Variants in CAMTA1 observed in about 807,000 individuals in gnomAD.
CAMTA1 encodes calmodulin-binding transcription activator 1.
CAMTA1 carries 27 observed loss-of-function variants against 170.9 expected under a neutral mutation model. The ratio of observed to expected loss-of-function variants is 0.16; its 90% CI spans 0.12 to 0.22. CAMTA1 has a LOEUF of 0.22. Ranked by LOEUF, CAMTA1 falls within the 10% of genes least tolerant of loss-of-function variation. The pLI is 1.00. For missense variants in CAMTA1, 1,619 were observed against 2,217.2 expected (o/e 0.73, Z 5.42); for synonymous variants, 833 against 891.5 (o/e 0.93, Z 1.17).
At chr1:6,895,382 A>C (rs1240448909) in intron 3 of CAMTA1, among the ~76,000 whole-genome samples, 2 of 152,128 alleles carry the variant, frequency 1.3e-5, no homozygotes, top group Non-Finnish European at 2.9e-5. Flanking sequence ...GTACCACCCT[A>C]GTCCAAGCCA....
At chr1:7,297,954 T>C (rs1326868328) in intron 5 of CAMTA1, among the ~76,000 whole-genome samples, 1 of 152,226 alleles carries the variant, frequency 6.6e-6, no homozygotes. Flanking sequence ...GGTTTAATGT[T>C]TACCATTCCT....
At chr1:7,494,043 G>A (rs936265735) in intron 6 of CAMTA1, among the ~76,000 whole-genome samples, 2 of 151,770 alleles carry the variant, frequency 1.3e-5, no homozygotes, top group Non-Finnish European at 2.9e-5. Flanking sequence ...TTTTAAACAC[G>A]TTTCCAAACT....
rs1650049236 is a variant in CAMTA1, at chr1:7,173,299, G to A, written c.303-76192G>A. ...AGTTGTGAGCTGAAATGAACAGAAG[G>A]CAGAGCGGGGTGCAGGGCCTGGCCG... On this transcript the variant is annotated intron_variant, in intron 4 of 22. Transcript: ENST00000303635. The surrounding 1 kb of genome is among the most constrained non-coding windows in gnomAD (Gnocchi z 5.4). 1.3e-5 allele frequency among the ~76,000 whole-genome samples: 2 copies of A among 152,206 alleles called. No homozygotes were observed. The highest frequency in any genetic ancestry group is 4.8e-5 in the African/African-American group (2 of 41,438).
At chr1:7,295,157 T>G (rs1230673273) in intron 5 of CAMTA1, among the ~76,000 whole-genome samples, 3 of 152,206 alleles carry the variant, frequency 2.0e-5, no homozygotes, top group Admixed American at 6.5e-5. Context: ...GGGTTTTTTT[T>G]GTTGTAAACA....
intron 6 of CAMTA1, among the ~76,000 whole-genome samples, chr1:7,595,935 G>A (rs546551709): frequency 6.6e-6 from 1 of 152,292 alleles, no homozygotes; most frequent in African/African-American, 2.4e-5. Context: ...AGCCTCCCAA[G>A]CTTCCAGGAT....
In CAMTA1 at chr1:7,014,043, C is replaced by A. The variant is rs1334966125; in HGVS notation, c.235-77261C>A. Among the ~76,000 whole-genome samples, 2 of 152,350 alleles carry A rather than the reference C, an allele frequency of 1.3e-5. No homozygotes were observed. The highest frequency in any genetic ancestry group is 4.1e-4 in the South Asian group (2 of 4,832). ...TAAAAATACAGTTCTTAAAATAGAC[C>A]AGTCCATGTGGGAGATAGGGAACCT... On this transcript the variant is annotated intron_variant, in intron 3 of 22. Transcript: ENST00000303635. This position sits in a 1 kb window ranked among gnomAD's most constrained non-coding sequence, Gnocchi z 4.2.
chr1:6,815,537 T>C (rs1645687862), intron 1 of CAMTA1, among the ~76,000 whole-genome samples: 1 of 152,246 alleles, frequency 6.6e-6, no homozygotes, highest in Admixed American at 6.5e-5. Flanking sequence ...CTGGGCACTA[T>C]ACTTGAGTAA....
intron 4 of CAMTA1, among the ~76,000 whole-genome samples, chr1:7,185,600 A>G (rs1431497721): frequency 6.6e-6 from 1 of 152,230 alleles, no homozygotes; most frequent in African/African-American, 2.4e-5. Context: ...GGGGAATTAC[A>G]ATTTTACATT....
At chr1:7,015,567 G>A (rs1700415080) in intron 3 of CAMTA1, among the ~76,000 whole-genome samples, 1 of 152,094 alleles carries the variant, frequency 6.6e-6, no homozygotes, top group Non-Finnish European at 1.5e-5. Flanking sequence ...ACGTTTTTGG[G>A]GCTGTGCCGT....
intron 6 of CAMTA1, among the ~76,000 whole-genome samples, chr1:7,543,565 T>G (rs1164899414): frequency 6.6e-6 from 1 of 152,260 alleles, no homozygotes; most frequent in East Asian, 1.9e-4. Flanking sequence ...TCCCGAACGC[T>G]GAAAATGTCA....
chr1:6,938,294 C>T (rs911128469), intron 3 of CAMTA1, among the ~76,000 whole-genome samples: 2 of 152,172 alleles, frequency 1.3e-5, no homozygotes, highest in African/African-American at 4.8e-5. Context: ...GAGGTACCCC[C>T]CTCAGCTCTG....
At chr1:7,622,516 T>C (rs887051652) in intron 6 of CAMTA1, among the ~76,000 whole-genome samples, 12 of 152,244 alleles carry the variant, frequency 7.9e-5, no homozygotes, top group African/African-American at 2.7e-4. Flanking sequence ...CTCCTTTCTT[T>C]AACAAATAAC....
intron 5 of CAMTA1, among the ~76,000 whole-genome samples, chr1:7,390,964 G>T (rs534156250): frequency 6.6e-6 from 1 of 152,166 alleles, no homozygotes; most frequent in Non-Finnish European, 1.5e-5. Context: ...CTGGTTCCTG[G>T]GACTGGGGAC....
intron 9 of CAMTA1, among the ~76,000 whole-genome samples, chr1:7,669,940 G>A (rs560552248): frequency 6.6e-6 from 1 of 152,350 alleles, no homozygotes; most frequent in African/African-American, 2.4e-5. Flanking sequence ...AAGCAGGACT[G>A]CCCGGGCCCC....
At chr1:6,961,667 C>T (rs1557890232) in intron 3 of CAMTA1, among the ~76,000 whole-genome samples, 1 of 152,120 alleles carries the variant, frequency 6.6e-6, no homozygotes, top group Non-Finnish European at 1.5e-5. Context: ...AGTGACCTTT[C>T]TTAGGTTTTT....
rs1260400591 is a variant in CAMTA1 at position 6,934,487 on chromosome 1, C to T, written c.234+109277C>T. 3.9e-5 allele frequency among the ~76,000 whole-genome samples: 6 copies of T among 152,128 alleles called. No homozygotes were observed. Among genetic ancestry groups the T allele is most frequent in the Admixed American group, 6.5e-5 (1 of 15,268 alleles). On this transcript the variant is annotated intron_variant, in intron 3 of 22. Coordinates refer to ENST00000303635, the MANE Select transcript of CAMTA1 (RefSeq NM_015215.4). The surrounding 1 kb of genome is among the most constrained non-coding windows in gnomAD (Gnocchi z 4.5). ...GTAAGGGCAGGTGTGGGAGGAATTT[C>T]CTTTCCAGAACATTCCTTTGAGGAG...
At position 7,051,307 on chromosome 1, in the gene CAMTA1, C is replaced by T. The variant is rs189521840; in HGVS notation, c.235-39997C>T. ...ACGTGCAGAGGCAGACGGCAGCTGA[C>T]GCAGGCTTCTCCGGTGACACAGTGA... On this transcript the variant is annotated intron_variant, in intron 3 of 22. Transcript: ENST00000303635. 1.2e-3 allele frequency among the ~76,000 whole-genome samples: 180 copies of T among 152,240 alleles called. 1 individual carries two copies. The highest frequency in any genetic ancestry group is 4.2e-3 in the African/African-American group (173 of 41,540).
chr1:7,253,055 G>A (rs528824358), intron 5 of CAMTA1, among the ~76,000 whole-genome samples: 64 of 152,262 alleles, frequency 4.2e-4, no homozygotes, highest in Admixed American at 1.5e-3. Context: ...AAGCTAGCTC[G>A]ATAAGGTTTC....
intron 5 of CAMTA1, among the ~76,000 whole-genome samples, chr1:7,263,422 C>T (rs1415647449): frequency 3.9e-5 from 6 of 152,132 alleles, no homozygotes; most frequent in African/African-American, 7.2e-5. Context: ...TGCAAAGCAA[C>T]GCTTTTTACA....
Sources: allele counts gnomAD v4.1 joint callset (sites outside exome capture counted in the v4.1 genomes callset), GRCh38; gene constraint gnomAD v4.1.1; non-coding constraint Gnocchi (gnomAD v3.1); transcripts MANE v1.5; gene names NCBI Gene and HGNC (gene_info 2026-07-23, HGNC 2026-07-21).